SDK1: variants seen among roughly 807,000 people sequenced by gnomAD.
SDK1 encodes sidekick cell adhesion molecule 1.
In SDK1, 157 loss-of-function variants were observed where a neutral mutation model predicts 245.5. That is an observed-to-expected ratio of 0.64 (90% CI 0.56 to 0.73). SDK1 has a LOEUF of 0.73. Ranked by LOEUF, SDK1 falls within the 30% of genes least tolerant of loss-of-function variation. The probability of loss-of-function intolerance (pLI) is 0.00; values close to 1 mark genes in which losing one functional copy is unlikely to be tolerated. For missense variants in SDK1, 3,583 were observed against 3,002.3 expected (o/e 1.19, Z -4.52); for synonymous variants, 1,647 against 1,278.5 (o/e 1.29, Z -6.15).
intron 5 of SDK1, among the ~76,000 whole-genome samples, chr7:3,895,944 A>G (rs1311055261): frequency 1.3e-5 from 2 of 152,214 alleles, no homozygotes; most frequent in African/African-American, 4.8e-5. Context: ...GCCAGAAAAC[A>G]TACTCTGCAT....
At chr7:3,969,881 GC>G (rs1782353478) in intron 11 of SDK1, among the ~76,000 whole-genome samples, 1 of 152,062 alleles carries the variant, frequency 6.6e-6, no homozygotes, top group South Asian at 2.1e-4. Context: ...AAAATCTTCC[GC>G]TTTTGCTAAA....
intron 22 of SDK1, among the ~76,000 whole-genome samples, chr7:4,107,733 AC>A (rs1309951027): frequency 2.6e-5 from 4 of 151,494 alleles, no homozygotes; most frequent in Non-Finnish European, 1.5e-5. Context: ...CCCGCCTACG[AC>A]CCCCATCTCC....
intron 40 of SDK1, chr7:4,227,568 G>C (rs1396126818): frequency 2.4e-6 from 1 of 412,702 alleles, no homozygotes; most frequent in African/African-American, 2.1e-5. Context: ...GCTTGCATTT[G>C]CTCTGAGCTG....
chr7:3,833,797 G>A (rs2115077549), intron 5 of SDK1, among the ~76,000 whole-genome samples: 1 of 152,296 alleles, frequency 6.6e-6, no homozygotes, highest in African/African-American at 2.4e-5. Context: ...TACTTACAGT[G>A]TTTGTAAAAA....
At chr7:3,747,407 T>C (rs754350506) in intron 4 of SDK1, among the ~76,000 whole-genome samples, 2 of 150,652 alleles carry the variant, frequency 1.3e-5, no homozygotes, top group Non-Finnish European at 2.9e-5. Context: ...TCAAAGTGTA[T>C]GTAACATTCT....
intron 1 of SDK1, among the ~76,000 whole-genome samples, chr7:3,485,972 GAC>G (rs1781682410): frequency 6.6e-6 from 1 of 151,298 alleles, no homozygotes; most frequent in Non-Finnish European, 1.5e-5. Context: ...GTGCTTTTAG[GAC>G]ACTATTAGGA....
intron 5 of SDK1, among the ~76,000 whole-genome samples, chr7:3,937,115 CTG>C (rs1161649002): frequency 6.6e-6 from 1 of 152,138 alleles, no homozygotes; most frequent in African/African-American, 2.4e-5. Context: ...CTCAACAAGA[CTG>C]CACCGAGATC....
At chr7:3,959,218 CAG>C (rs748760092) in intron 8 of SDK1, among the ~76,000 whole-genome samples, 4 of 152,116 alleles carry the variant, frequency 2.6e-5, no homozygotes, top group Admixed American at 6.5e-5. Flanking sequence ...CCCTGCGAAA[CAG>C]AGATGATACT....
intron 1 of SDK1, among the ~76,000 whole-genome samples, chr7:3,410,809 A>G (rs1779180950): frequency 6.6e-6 from 1 of 151,328 alleles, no homozygotes; most frequent in South Asian, 2.1e-4. Flanking sequence ...CTGGTCTCGA[A>G]CTCCTGACCT....
In SDK1 at chr7:4,077,112, C is replaced by T. The variant is rs1780734559; in HGVS notation, c.3125C>T (p.Thr1042Ile). 2 of 1,614,234 alleles carry T rather than the reference C, an allele frequency of 1.2e-6. No individual in the cohort carries two copies. Among genetic ancestry groups the T allele is most frequent in the Non-Finnish European group, 1.7e-6 (2 of 1,180,046 alleles). ...IQGLSSLTTYTIDVAAVTAVG... is the reference protein window; with the variant it reads ...IQGLSSLTTYIIDVAAVTAVG... Reference sequence around the variant, plus strand: ...GGCCTCTCATCTCTCACCACCTACACCATCGACGTGGCCGCTGTGACTGCC... The same window carrying T: ...GGCCTCTCATCTCTCACCACCTACATCATCGACGTGGCCGCTGTGACTGCC... The change falls in exon 21 of 45, where the codon ACC becomes ATC. Residue 1042 changes from threonine to isoleucine, a missense_variant. Thr to Ile is a moderately conservative substitution (Grantham distance 89, BLOSUM62 -1). Transcript: ENST00000404826.
intron 1 of SDK1, among the ~76,000 whole-genome samples, chr7:3,382,829 C>A (rs1583775973): frequency 6.6e-6 from 1 of 151,940 alleles, no homozygotes; most frequent in African/African-American, 2.4e-5. Context: ...GAGTGGTAGT[C>A]CCCCAAGAGA....
intron 1 of SDK1, among the ~76,000 whole-genome samples, chr7:3,501,518 TA>T (rs979180850): frequency 1.3e-5 from 2 of 152,182 alleles, no homozygotes; most frequent in African/African-American, 4.8e-5. Flanking sequence ...AGCATGTTTT[TA>T]TTTCGTGCTC....
intron 40 of SDK1, among the ~76,000 whole-genome samples, chr7:4,226,412 G>A (rs985379105): frequency 2.6e-5 from 4 of 152,220 alleles, no homozygotes; most frequent in Non-Finnish European, 5.9e-5. Flanking sequence ...GGTGGCCAGC[G>A]GGCCTGGGCA....
At chr7:3,404,416 T>C (rs1257683012) in intron 1 of SDK1, among the ~76,000 whole-genome samples, 2 of 152,232 alleles carry the variant, frequency 1.3e-5, no homozygotes, top group Non-Finnish European at 2.9e-5. Context: ...TATTATTTTC[T>C]GCCATGGTTG....
At chr7:3,784,685 T>G (rs781106847) in intron 4 of SDK1, among the ~76,000 whole-genome samples, 2 of 152,164 alleles carry the variant, frequency 1.3e-5, no homozygotes, top group Non-Finnish European at 2.9e-5. Context: ...CCTGTCAGAA[T>G]AGCTGTTTTC....
intron 4 of SDK1, among the ~76,000 whole-genome samples, chr7:3,799,078 A>T (rs769298515): frequency 6.6e-6 from 1 of 152,200 alleles, no homozygotes; most frequent in Non-Finnish European, 1.5e-5. Flanking sequence ...TTGTAATTGT[A>T]TGGATTTAAT....
At chr7:3,712,872 T>C (rs966690368) in intron 4 of SDK1, among the ~76,000 whole-genome samples, 6 of 152,204 alleles carry the variant, frequency 3.9e-5, no homozygotes, top group Non-Finnish European at 8.8e-5. Flanking sequence ...GCCCCCACAA[T>C]ATAGACCCCT....
intron 19 of SDK1, among the ~76,000 whole-genome samples, chr7:4,053,899 T>G (rs1330994420): frequency 6.6e-6 from 1 of 152,108 alleles, no homozygotes; most frequent in Non-Finnish European, 1.5e-5. Context: ...TTTTGTTTTT[T>G]GGGTTTTTTG....
intron 25 of SDK1, among the ~76,000 whole-genome samples, chr7:4,118,839 T>C (rs897342053): frequency 2.7e-5 from 4 of 148,840 alleles, no homozygotes; most frequent in African/African-American, 9.8e-5. Flanking sequence ...GACCACATAT[T>C]GTGTGATTCT....
Sources: allele counts gnomAD v4.1 joint callset (sites outside exome capture counted in the v4.1 genomes callset), GRCh38; gene constraint gnomAD v4.1.1; transcripts MANE v1.5; gene names NCBI Gene and HGNC (gene_info 2026-07-23, HGNC 2026-07-21).